Variants in IQCB1 observed in about 807,000 individuals in gnomAD.
IQCB1 encodes the protein IQ motif containing B1.
In IQCB1, 56 loss-of-function variants were observed where a neutral mutation model predicts 84.4. The observed-to-expected ratio is 0.66, with a 90% CI of 0.54 to 0.83. The LOEUF (loss-of-function observed/expected upper bound fraction) is 0.83. IQCB1 is among the 40% of genes least tolerant of loss of function. The pLI is 0.00. For missense variants in IQCB1, 629 were observed against 682.1 expected, an observed-to-expected ratio of 0.92 and a Z score of 0.87; for synonymous variants, 210 against 234.8, an observed-to-expected ratio of 0.89 and a Z score of 0.96.
chr3:121,820,141 T>C (rs139458282), intron 5 of IQCB1, among the ~76,000 whole-genome samples: 1 of 152,234 alleles, frequency 6.6e-6, no homozygotes, highest in East Asian at 1.9e-4. Flanking sequence ...GTTACAAAGG[T>C]ACATTTCAAT....
intron 7 of IQCB1, among the ~76,000 whole-genome samples, chr3:121,801,510 T>C (rs1204718238): frequency 1.3e-5 from 2 of 152,060 alleles, no homozygotes; most frequent in Non-Finnish European, 2.9e-5. Context: ...GACTGCACCA[T>C]TTATTTTATC....
At chr3:121,771,687 C>G (rs773369650) in intron 14 of IQCB1, among the ~76,000 whole-genome samples, 1 of 152,122 alleles carries the variant, frequency 6.6e-6, no homozygotes, top group Non-Finnish European at 1.5e-5. Context: ...ATGAGAGGCT[C>G]AGTTTCAGCC....
chr3:121,774,458 T>TAC, intron 13 of IQCB1, among the ~76,000 whole-genome samples: 1 of 152,196 alleles, frequency 6.6e-6, no homozygotes, highest in South Asian at 2.1e-4. Flanking sequence ...TGAAAGCAAG[T>TAC]ACACACACAG....
At position 121,795,439 on chromosome 3, in the gene IQCB1, C is replaced by T; in HGVS notation, c.986+18G>A. The T allele has an allele frequency of 8.3e-6, 11 of 1,330,776 alleles. No individual in the cohort carries two copies. The highest frequency in any genetic ancestry group is 1.2e-5 in the Non-Finnish European group (11 of 923,442). 82.4% of individuals were successfully genotyped at this position (1,330,776 alleles called of 1,614,324 possible). A position where few individuals can be genotyped will look rare whatever the true frequency, so the allele number is the denominator to read the frequency against. ...GTAAGATTCTATGATCATCAATCCC[C>T]TCACCAAATTTTTTTACCTGAAACT... is the stretch of plus-strand genomic sequence containing the variant. On this transcript the variant is annotated intron_variant, in intron 10 of 14. Coordinates refer to ENST00000310864, the MANE Select transcript of IQCB1 (RefSeq NM_001023570.4).
chr3:121,813,458 A>G (rs1043625935), intron 5 of IQCB1, among the ~76,000 whole-genome samples: 4 of 152,230 alleles, frequency 2.6e-5, no homozygotes, highest in Non-Finnish European at 4.4e-5. Flanking sequence ...ACATGCCCCA[A>G]TTAAAAGACA....
chr3:121,815,578 T>C (rs1950019735), intron 5 of IQCB1, among the ~76,000 whole-genome samples: 2 of 151,962 alleles, frequency 1.3e-5, no homozygotes, highest in African/African-American at 4.8e-5. Flanking sequence ...ACAAAACCAA[T>C]CTGCAAAAAT....
At chr3:121,775,995 C>T (rs974214998) in intron 13 of IQCB1, among the ~76,000 whole-genome samples, 14 of 152,056 alleles carry the variant, frequency 9.2e-5, no homozygotes, top group African/African-American at 3.4e-4. Flanking sequence ...ATGTATTCTA[C>T]TCTGTCTGGC....
intron 5 of IQCB1, among the ~76,000 whole-genome samples, chr3:121,810,094 G>T (rs1279465906): frequency 6.6e-6 from 1 of 152,078 alleles, no homozygotes; most frequent in Non-Finnish European, 1.5e-5. Flanking sequence ...AAAAGATAGT[G>T]TTGTACTCTT....
chr3:121,786,168 CTCAAA>C (rs796941577), intron 12 of IQCB1, among the ~76,000 whole-genome samples: 100 of 23,930 alleles, frequency 4.2e-3, no homozygotes, highest in African/African-American at 0.016. Context: ...GAGATTCTGT[CTCAAA>C]AGAAAAGAAA....
At chr3:121,785,946 A>C (rs765924181) in intron 12 of IQCB1, among the ~76,000 whole-genome samples, 8 of 151,036 alleles carry the variant, frequency 5.3e-5, no homozygotes, top group South Asian at 2.1e-4. Context: ...AGGTGGGAGG[A>C]TCACTTGAGC....
chr3:121,825,061 C>CCTT (rs1553721685), intron 5 of IQCB1, among the ~76,000 whole-genome samples: 2 of 83,772 alleles, frequency 2.4e-5, no homozygotes, highest in Non-Finnish European at 4.9e-5. Flanking sequence ...TTTTTCTTTT[C>CCTT]TTTTTTTTTT....
intron 2 of IQCB1, among the ~76,000 whole-genome samples, chr3:121,832,128 C>T (rs560805952): frequency 6.7e-6 from 1 of 150,322 alleles, no homozygotes; most frequent in Non-Finnish European, 1.5e-5. Context: ...AGGCACATTT[C>T]GTGTTCACTG....
intron 11 of IQCB1, 109 bp downstream of exon 11, chr3:121,789,964 A>G: frequency 2.2e-6 from 2 of 912,340 alleles, no homozygotes; most frequent in Non-Finnish European, 3.6e-6. Context: ...ACAGAGAAAA[A>G]GGACAAAAGT....
At chr3:121,831,815 G>T (rs1257768870) in intron 2 of IQCB1, among the ~76,000 whole-genome samples, 1 of 152,154 alleles carries the variant, frequency 6.6e-6, no homozygotes, top group African/African-American at 2.4e-5. Context: ...AGACAGGTTT[G>T]CTGAAAATAC....
rs371755310 is a variant in IQCB1, at chr3:121,797,069, A to AAT, written c.876+47_876+48dup. On this transcript the variant is annotated intron_variant, in intron 9 of 14. Coordinates refer to ENST00000310864, the MANE Select transcript of IQCB1 (RefSeq NM_001023570.4). Reference sequence around the variant, plus strand: ...GAACATTTAAGGAAAACTAAGGTTTAATATAGTCAGCAAATATCATGCAAT... The same window carrying AAT: ...GAACATTTAAGGAAAACTAAGGTTTAATATATAGTCAGCAAATATCATGCAAT... 1,371 of 934,766 alleles carry AAT rather than the reference A, an allele frequency of 1.5e-3. 25 individuals are homozygous for AAT. The South Asian group carries it at 0.017, about 11-fold the overall frequency. 57.9% of individuals were successfully genotyped at this position (934,766 alleles called of 1,614,324 possible).
At chr3:121,808,808 G>A in intron 6 of IQCB1, 108 bp downstream of exon 6, 1 of 674,560 alleles carries the variant, frequency 1.5e-6, no homozygotes, top group Non-Finnish European at 2.7e-6. Flanking sequence ...TCATTTCAGT[G>A]TGGTTATCTG....
intron 7 of IQCB1, among the ~76,000 whole-genome samples, chr3:121,801,177 C>G (rs1406954493): frequency 6.6e-6 from 1 of 151,994 alleles, no homozygotes. Context: ...TCCTACTAAT[C>G]TCACTTTCTG....
chr3:121,781,697 A>T, intron 13 of IQCB1, 46 bp downstream of exon 13: 2 of 1,525,726 alleles, frequency 1.3e-6, no homozygotes, highest in African/African-American at 1.4e-5. Flanking sequence ...TATCAATATC[A>T]TGCATTGGAA....
Position 121,826,198 on chromosome 3 carries a change from G to T in IQCB1, c.264-18C>A. ...AGCAATGGCTGAAATAAGAGCACAA[G>T]TTCGTGTTAATTAGAAGTTTATGTT... On this transcript the variant is annotated intron_variant, in intron 4 of 14. Coordinates refer to ENST00000310864, the MANE Select transcript of IQCB1 (RefSeq NM_001023570.4). The T allele has an allele frequency of 1.2e-6, 2 of 1,613,026 alleles. No homozygotes were observed. Among genetic ancestry groups the T allele is most frequent in the Non-Finnish European group, 8.5e-7 (1 of 1,179,256 alleles).
Sources: allele counts gnomAD v4.1 joint callset (sites outside exome capture counted in the v4.1 genomes callset), GRCh38; gene constraint gnomAD v4.1.1; transcripts MANE v1.5; gene names NCBI Gene and HGNC (gene_info 2026-07-23, HGNC 2026-07-21).